NSUN4: variants seen among roughly 807,000 people sequenced by gnomAD.
NSUN4 encodes the protein 5-cytosine rRNA methyltransferase NSUN4.
NSUN4 carries 31 observed loss-of-function variants against 43.8 expected under a neutral mutation model. That is an observed-to-expected ratio of 0.71 (90% CI 0.53 to 0.96). NSUN4 has a LOEUF of 0.96. Among genes scored for constraint, NSUN4 ranks in the 40% least tolerant of loss-of-function variants. The probability of loss-of-function intolerance (pLI) is 0.00; values close to 1 mark genes in which losing one functional copy is unlikely to be tolerated. For missense variants in NSUN4, 439 were observed against 475.6 expected (o/e 0.92, Z 0.72); for synonymous variants, 167 against 184.1 (o/e 0.91, Z 0.75).
intron 4 of NSUN4, among the ~76,000 whole-genome samples, chr1:46,360,260 A>G (rs1663763598): frequency 1.1e-5 from 1 of 90,720 alleles, no homozygotes; most frequent in Admixed American, 1.1e-4. Flanking sequence ...ATATATATAT[A>G]TATATATATA....
At chr1:46,356,449 T>C (rs1019301487) in intron 4 of NSUN4, among the ~76,000 whole-genome samples, 1 of 152,108 alleles carries the variant, frequency 6.6e-6, no homozygotes, top group African/African-American at 2.4e-5. Flanking sequence ...TCCCAGCACT[T>C]TGGGAGGCCA....
chr1:46,358,478 T>A (rs1048100509), intron 4 of NSUN4, among the ~76,000 whole-genome samples: 9 of 144,714 alleles, frequency 6.2e-5, no homozygotes, highest in Admixed American at 5.9e-4. Flanking sequence ...CTCGGCTCAC[T>A]GCAACCTGTG....
the NSUN4 span, among the ~76,000 whole-genome samples, chr1:46,376,058 G>A: frequency 7.9e-6 from 1 of 126,474 alleles, no homozygotes; most frequent in South Asian, 2.8e-4. Context: ...AGCCGAGATC[G>A]CGCCATTGCA....
the NSUN4 span, among the ~76,000 whole-genome samples, chr1:46,376,666 A>G: frequency 1.2e-3 from 183 of 152,298 alleles, no homozygotes; most frequent in African/African-American, 3.9e-3. Context: ...TGCATCACAC[A>G]TAGTAAAGGT....
chr1:46,379,476 G>A, the NSUN4 span, among the ~76,000 whole-genome samples: 6 of 152,106 alleles, frequency 3.9e-5, no homozygotes, highest in South Asian at 2.1e-4. Context: ...TTAGCTGGGC[G>A]TGGTGGTGCG....
Position 46,340,883 on chromosome 1 carries a change from G to C in NSUN4, c.57G>C (p.Ala19=). Residue 19 remains alanine, a synonymous_variant, in exon 1 of 6, where the codon GCG becomes GCC. Coordinates refer to ENST00000474844, the MANE Select transcript of NSUN4 (RefSeq NM_199044.4). The part of the protein sequence containing the change: ...VRELLKRVDL[A]TVPRRHRYKK... ...AGCTGCTGAAGCGTGTGGACCTCGC[G>C]ACGGTCCCGCGGAGACATCGATATA... 1 of 1,613,538 alleles carries C rather than the reference G, an allele frequency of 6.2e-7. No individual in the cohort carries two copies. The highest frequency in any genetic ancestry group is 8.5e-7 in the Non-Finnish European group (1 of 1,179,752).
chr1:46,365,696 A>G (rs1235735192), downstream of NSUN4, among the ~76,000 whole-genome samples: 1 of 152,158 alleles, frequency 6.6e-6, no homozygotes, highest in Non-Finnish European at 1.5e-5. Context: ...CATATGGTAA[A>G]TGTATGTTTA....
At chr1:46,357,452 A>G (rs1285596875) in intron 4 of NSUN4, among the ~76,000 whole-genome samples, 1 of 152,152 alleles carries the variant, frequency 6.6e-6, no homozygotes. Flanking sequence ...CAACATGAAC[A>G]TTTTCCACAG....
intron 4 of NSUN4, among the ~76,000 whole-genome samples, chr1:46,359,404 A>G (rs1321371807): frequency 1.3e-5 from 2 of 151,680 alleles, no homozygotes; most frequent in African/African-American, 2.4e-5. Flanking sequence ...TTCGAGGCGA[A>G]GTCTCACTTT....
At chr1:46,341,252 T>TC in intron 1 of NSUN4, 2 of 407,008 alleles carry the variant, frequency 4.9e-6, no homozygotes, top group Non-Finnish European at 6.1e-6. Flanking sequence ...TTTACTTCCC[T>TC]CCCTCCCCTC....
chr1:46,360,154 G>A (rs1304226048), intron 4 of NSUN4, among the ~76,000 whole-genome samples: 4 of 143,626 alleles, frequency 2.8e-5, no homozygotes, highest in Admixed American at 7.1e-5. Context: ...GCGTAAACCC[G>A]GGAGGCGGAG....
intron 4 of NSUN4, among the ~76,000 whole-genome samples, chr1:46,353,835 T>C (rs1663179422): frequency 6.6e-6 from 1 of 152,128 alleles, no homozygotes; most frequent in South Asian, 2.1e-4. Context: ...TTTAATAATG[T>C]GTCCTGGGGT....
intron 4 of NSUN4, among the ~76,000 whole-genome samples, chr1:46,358,511 T>G (rs11802866): frequency 1.3e-5 from 2 of 149,350 alleles, no homozygotes; most frequent in East Asian, 4.0e-4. Context: ...AAGCGATTCT[T>G]CTGCCTCAGC....
chr1:46,380,257 C>A, the NSUN4 span, among the ~76,000 whole-genome samples: 1 of 152,230 alleles, frequency 6.6e-6, no homozygotes, highest in East Asian at 1.9e-4. Context: ...ATAAGAATAA[C>A]TTACCATCAC....
chr1:46,359,217 G>A (rs945394723), intron 4 of NSUN4, among the ~76,000 whole-genome samples: 9 of 152,030 alleles, frequency 5.9e-5, no homozygotes, highest in Non-Finnish European at 1.2e-4. Flanking sequence ...CCGAGATCGT[G>A]CCATTGTGCT....
chr1:46,356,584 C>T (rs541468391), intron 4 of NSUN4, among the ~76,000 whole-genome samples: 12 of 151,940 alleles, frequency 7.9e-5, no homozygotes, highest in African/African-American at 2.9e-4. Context: ...CCCAGCTACT[C>T]GGGAGGCTGA....
chr1:46,360,636 C>T, intron 4 of NSUN4, 68 bp from the exon 5 acceptor site: 1 of 1,542,058 alleles, frequency 6.5e-7, no homozygotes, highest in Non-Finnish European at 8.8e-7. Flanking sequence ...GGGCCTAAAA[C>T]ATCTCTGGCC....
At chr1:46,383,478 T>G in the NSUN4 span, among the ~76,000 whole-genome samples, 2 of 136,622 alleles carry the variant, frequency 1.5e-5, no homozygotes, top group African/African-American at 5.6e-5. Context: ...TTTTCCGAGA[T>G]GGAGTCTCGC....
Position 46,341,135 on chromosome 1 carries a change from G to C in NSUN4, c.93+216G>C, listed in dbSNP as rs1662068858. The C allele has an allele frequency of 3.1e-6, 4 of 1,309,826 alleles. No individual in the cohort carries two copies. In the African/African-American group the frequency reaches 4.5e-5, roughly 15 times the overall value. The allele number at this position is 1,309,826 out of a possible 1,614,324, so 81.1% of individuals were successfully genotyped here. A position where few individuals can be genotyped will look rare whatever the true frequency, so the allele number is the denominator to read the frequency against. ...CCACTTGTTACGTCTGCAGTCTCCTGACTCCGCCCAAGTTGCGTCATCACC... is the reference window on the plus strand; with the variant it reads ...CCACTTGTTACGTCTGCAGTCTCCTCACTCCGCCCAAGTTGCGTCATCACC... On this transcript the variant is annotated intron_variant, in intron 1 of 5. Transcript: ENST00000474844.
Sources: gnomAD v4.1 joint callset for allele counts (sites outside exome capture counted in the v4.1 genomes callset) on GRCh38, gnomAD v4.1.1 for gene constraint, MANE v1.5 for transcripts, NCBI Gene and HGNC (gene_info 2026-07-23, HGNC 2026-07-21) for gene names.